Variants in FAM78B observed in about 807,000 individuals in gnomAD.
FAM78B encodes the protein protein FAM78B.
A neutral mutation model predicts 20.0 loss-of-function variants in FAM78B; 10 were observed. That is an observed-to-expected ratio of 0.50 (90% confidence interval 0.31 to 0.85). The LOEUF (loss-of-function observed/expected upper bound fraction) is 0.85, where lower values mean the gene tolerates loss of function less well. Ranked by LOEUF, FAM78B falls within the 40% of genes least tolerant of loss-of-function variation. The pLI is 0.05. For synonymous variants in FAM78B, 135 were observed against 132.8 expected, an observed-to-expected ratio of 1.02 and a Z score of -0.12; for missense variants, 283 against 345.0, an observed-to-expected ratio of 0.82 and a Z score of 1.42.
At chr1:166,155,015 G>C (rs1002845745) in intron 1 of FAM78B, among the ~76,000 whole-genome samples, 1 of 152,200 alleles carries the variant, frequency 6.6e-6, no homozygotes, top group African/African-American at 2.4e-5. Context: ...AAAGGACAGA[G>C]GACTGCCTCT....
intron 1 of FAM78B, among the ~76,000 whole-genome samples, chr1:166,116,413 C>A (rs1654256870): frequency 6.6e-6 from 1 of 152,208 alleles, no homozygotes; most frequent in Admixed American, 6.5e-5. Flanking sequence ...CCAGGTTTGG[C>A]TCTGTCCAGG....
At chr1:166,099,033 T>C (rs1018280470) in intron 1 of FAM78B, among the ~76,000 whole-genome samples, 4 of 152,166 alleles carry the variant, frequency 2.6e-5, no homozygotes, top group East Asian at 3.9e-4. Flanking sequence ...ACCTATTAGA[T>C]TAACAGCAGA....
chr1:166,132,581 C>G (rs981754960), intron 1 of FAM78B, among the ~76,000 whole-genome samples: 1 of 152,174 alleles, frequency 6.6e-6, no homozygotes, highest in East Asian at 1.9e-4. Flanking sequence ...CCTTCTTGTA[C>G]AGCAGTGGGA....
At chr1:166,098,248 T>C (rs769568081) in intron 1 of FAM78B, among the ~76,000 whole-genome samples, 28 of 152,066 alleles carry the variant, frequency 1.8e-4, no homozygotes, top group Non-Finnish European at 3.5e-4. Context: ...ACCCTAGACC[T>C]TCCCTTTGAC....
chr1:166,100,708 G>A (rs960613038), intron 1 of FAM78B, among the ~76,000 whole-genome samples: 2 of 152,234 alleles, frequency 1.3e-5, no homozygotes, highest in East Asian at 3.8e-4. Context: ...CTCGAACTGG[G>A]TGAAGCCCAC....
chr1:166,089,972 C>T (rs1476211786), intron 1 of FAM78B, among the ~76,000 whole-genome samples: 1 of 152,192 alleles, frequency 6.6e-6, no homozygotes. Flanking sequence ...CACTGGGGCT[C>T]TTCGCCCTCC....
At chr1:166,095,580 G>A (rs551243660) in intron 1 of FAM78B, among the ~76,000 whole-genome samples, 109 of 152,278 alleles carry the variant, frequency 7.2e-4, no homozygotes, top group African/African-American at 2.3e-3. Context: ...TAATAGGAGC[G>A]TTATGGCCAG....
At chr1:166,165,252 T>C (rs1417660036) in intron 1 of FAM78B, among the ~76,000 whole-genome samples, 1 of 152,212 alleles carries the variant, frequency 6.6e-6, no homozygotes, top group Non-Finnish European at 1.5e-5. Flanking sequence ...AGATCCATCC[T>C]TTCCTTTAGC....
intron 1 of FAM78B, among the ~76,000 whole-genome samples, chr1:166,123,624 A>C (rs1378388119): frequency 6.6e-6 from 1 of 152,220 alleles, no homozygotes; most frequent in East Asian, 1.9e-4. Flanking sequence ...CAACTTGAAG[A>C]AGCTCAGATT....
At position 166,166,010 on chromosome 1, in the gene FAM78B, A is replaced by T; in HGVS notation, c.239T>A (p.Phe80Tyr). ...CATGCCCAGGTCGCTGTAGGTGTTG[A>T]AGAACTCCATCTGATTGCACGCCTG... ...WIQACNQMEF[F>Y]NTYSDLGMSS... is the part of the protein sequence containing the mutation. Residue 80 changes from phenylalanine (F) to tyrosine (Y), a missense_variant, in exon 1 of 2, where the codon TTC becomes TAC. By Grantham distance (22) the Phe-to-Tyr change is conservative (BLOSUM62 3). Transcript: ENST00000354422. 1 of 1,610,320 alleles carries T rather than the reference A, an allele frequency of 6.2e-7. No homozygotes were observed. The highest frequency in any genetic ancestry group is 8.5e-7 in the Non-Finnish European group (1 of 1,178,148).
intron 1 of FAM78B, among the ~76,000 whole-genome samples, chr1:166,162,073 G>T (rs968713441): frequency 6.6e-6 from 1 of 152,208 alleles, no homozygotes; most frequent in Non-Finnish European, 1.5e-5. Flanking sequence ...GTTAAAAGAT[G>T]GGAGCAGTTC....
At chr1:166,063,477 C>T (rs545366673) in intron 2 of FAM78B, among the ~76,000 whole-genome samples, 2 of 152,100 alleles carry the variant, frequency 1.3e-5, no homozygotes, top group East Asian at 1.9e-4. Context: ...CAGGCCTGTG[C>T]GTGGCCTGAC....
At chr1:166,130,920 T>C (rs1654848616) in intron 1 of FAM78B, among the ~76,000 whole-genome samples, 1 of 151,458 alleles carries the variant, frequency 6.6e-6, no homozygotes, top group Admixed American at 6.6e-5. Flanking sequence ...GCTTGGCCGA[T>C]GTCACAAGGC....
chr1:166,117,278 C>G (rs764008180), intron 1 of FAM78B, among the ~76,000 whole-genome samples: 19 of 152,152 alleles, frequency 1.2e-4, no homozygotes, highest in Non-Finnish European at 2.5e-4. Flanking sequence ...CATTTTGTAT[C>G]TTGTGGGACA....
Position 166,160,907 on chromosome 1 carries a change from G to A in FAM78B, c.263+5079C>T, listed in dbSNP as rs566317030. On this transcript the variant is annotated intron_variant, in intron 1 of 1. Transcript: ENST00000354422. ...AACCAGTATAAGAACAGCGCATCTT[G>A]AAGGAAAAGAACAGGAGGATCCCAA... Among the ~76,000 whole-genome samples the A allele has an allele frequency of 4.6e-5, 7 of 152,296 alleles. No homozygotes were observed. The East Asian group carries it at 1.2e-3, about 25-fold the overall frequency.
intron 1 of FAM78B, among the ~76,000 whole-genome samples, chr1:166,149,552 A>G (rs1655598970): frequency 6.6e-6 from 1 of 152,186 alleles, no homozygotes; most frequent in Admixed American, 6.5e-5. Flanking sequence ...AACCACGTAA[A>G]CCTGCTGAAT....
chr1:166,083,870 A>G (rs1652684314), intron 1 of FAM78B, among the ~76,000 whole-genome samples: 1 of 150,166 alleles, frequency 6.7e-6, no homozygotes, highest in Admixed American at 6.7e-5. Context: ...TGCGTGGCAC[A>G]TAACAGCTCA....
intron 1 of FAM78B, among the ~76,000 whole-genome samples, chr1:166,120,640 C>T (rs1654431800): frequency 6.6e-6 from 1 of 152,306 alleles, no homozygotes; most frequent in East Asian, 1.9e-4. Flanking sequence ...AAAGAGGGGT[C>T]CCTGCGGACG....
At chr1:166,134,413 G>A (rs1056506166) in intron 1 of FAM78B, among the ~76,000 whole-genome samples, 3 of 152,044 alleles carry the variant, frequency 2.0e-5, no homozygotes, top group African/African-American at 7.2e-5. Context: ...TGCAGCTCAG[G>A]TTTCCCATCT....
Sources: allele counts gnomAD v4.1 joint callset (sites outside exome capture counted in the v4.1 genomes callset), GRCh38; gene constraint gnomAD v4.1.1; transcripts MANE v1.5; gene names NCBI Gene and HGNC (gene_info 2026-07-23, HGNC 2026-07-21).